The following ZBTB7C variants were observed in gnomAD, a reference collection of about 807,000 sequenced individuals.
ZBTB7C encodes the protein zinc finger and BTB domain-containing protein 7C.
In ZBTB7C, 8 loss-of-function variants were observed where a neutral mutation model predicts 25.7. The ratio of observed to expected loss-of-function variants is 0.31; its 90% CI spans 0.18 to 0.56. The LOEUF is 0.56. Ranked by LOEUF, ZBTB7C falls within the 20% of genes least tolerant of loss-of-function variation. The probability of loss-of-function intolerance (pLI) is 0.91; values close to 1 mark genes in which losing one functional copy is unlikely to be tolerated. For synonymous variants in ZBTB7C, 394 were observed against 369.0 expected, an observed-to-expected ratio of 1.07 and a Z score of -0.78; for missense variants, 824 against 855.2, an observed-to-expected ratio of 0.96 and a Z score of 0.46.
intron 3 of ZBTB7C, among the ~76,000 whole-genome samples, chr18:48,129,212 A>G (rs970253559): frequency 2.6e-5 from 4 of 152,140 alleles, no homozygotes; most frequent in African/African-American, 9.7e-5. Context: ...CTCCAAAAAA[A>G]CTGCCAAAGG....
chr18:48,235,160 A>T (rs1359573722), intron 2 of ZBTB7C, among the ~76,000 whole-genome samples: 1 of 152,178 alleles, frequency 6.6e-6, no homozygotes, highest in East Asian at 1.9e-4. Flanking sequence ...ACCTATTTAT[A>T]TTTATTGTAA....
At chr18:48,339,208 C>T (rs1035269857) in intron 1 of ZBTB7C, among the ~76,000 whole-genome samples, 18 of 152,366 alleles carry the variant, frequency 1.2e-4, no homozygotes, top group African/African-American at 3.4e-4. Flanking sequence ...GCACAGCCCC[C>T]ATCTCTTGGG....
At chr18:48,161,520 C>G (rs753616278) in intron 3 of ZBTB7C, among the ~76,000 whole-genome samples, 1 of 152,088 alleles carries the variant, frequency 6.6e-6, no homozygotes, top group Non-Finnish European at 1.5e-5. Context: ...TCCAGTTGCC[C>G]GGCCTGTTCA....
chr18:48,407,807 T>C (rs1183040244), intron 1 of ZBTB7C, among the ~76,000 whole-genome samples: 1 of 152,174 alleles, frequency 6.6e-6, no homozygotes, highest in Non-Finnish European at 1.5e-5. Context: ...AATGAAGGAC[T>C]GAGAGTTTCC....
chr18:48,318,945 C>T (rs929816094), intron 2 of ZBTB7C, among the ~76,000 whole-genome samples: 1 of 152,190 alleles, frequency 6.6e-6, no homozygotes, highest in South Asian at 2.1e-4. Context: ...TCTGAGCCCC[C>T]ACCCCTGTAA....
In ZBTB7C at chr18:48,026,863, G is replaced by C. The variant is rs1162509970; in HGVS notation, c.*2397C>G. On this transcript the variant is annotated 3_prime_UTR_variant, in exon 5 of 5. Transcript: ENST00000590800. Reference sequence around the variant, plus strand: ...CTTTCAGAAGTCACATCTCACAGAAGTGCAACTCTCAATATAATTTAATCA... The same window carrying C: ...CTTTCAGAAGTCACATCTCACAGAACTGCAACTCTCAATATAATTTAATCA... 1 of 151,644 alleles carries C rather than the reference G, an allele frequency of 6.6e-6. No homozygotes were observed. Among genetic ancestry groups the C allele is most frequent in the Non-Finnish European group, 1.5e-5 (1 of 67,992 alleles). 9.4% of individuals were successfully genotyped at this position (151,644 alleles called of 1,614,324 possible). A position where few individuals can be genotyped will look rare whatever the true frequency, so the allele number is the denominator to read the frequency against.
chr18:48,338,271 A>G lies in ZBTB7C; in HGVS notation c.-176T>C, dbSNP rs2046502151. 6.6e-6 allele frequency: 1 copy of G among 152,262 alleles called. No homozygotes were observed. Among genetic ancestry groups the G allele is most frequent in the African/African-American group, 2.4e-5 (1 of 41,450 alleles). The allele number at this position is 152,262 out of a possible 1,614,324, so 9.4% of individuals were successfully genotyped here. A position where few individuals can be genotyped will look rare whatever the true frequency, so the allele number is the denominator to read the frequency against. On this transcript the variant is annotated 5_prime_UTR_variant, in exon 2 of 5. It removes the in-frame stop codon of an upstream open reading frame in the 5' UTR. Coordinates refer to ENST00000590800, the MANE Select transcript of ZBTB7C (RefSeq NM_001318841.2). ...CCCCAAACGCCCAGGCTCCAGGTCT[A>G]ATGGGCGTGGATTCTGCTCATGCCT...
chr18:48,135,216 T>C (rs564422812), intron 3 of ZBTB7C, among the ~76,000 whole-genome samples: 1 of 152,310 alleles, frequency 6.6e-6, no homozygotes, highest in East Asian at 1.9e-4. Flanking sequence ...CTTAGCATGG[T>C]ACCTGGACAC....
At chr18:48,151,920 G>T (rs371428717) in intron 3 of ZBTB7C, among the ~76,000 whole-genome samples, 1 of 152,160 alleles carries the variant, frequency 6.6e-6, no homozygotes, top group African/African-American at 2.4e-5. Context: ...TATGCGGGTG[G>T]GGAAGCAGTG....
intron 2 of ZBTB7C, among the ~76,000 whole-genome samples, chr18:48,244,075 G>A (rs1166374651): frequency 1.3e-5 from 2 of 152,094 alleles, no homozygotes; most frequent in Admixed American, 1.3e-4. Context: ...AAAAATTCTA[G>A]AAGATAACAT....
chr18:48,341,981 A>G (rs767470680), intron 1 of ZBTB7C, among the ~76,000 whole-genome samples: 3 of 152,200 alleles, frequency 2.0e-5, no homozygotes, highest in Non-Finnish European at 4.4e-5. Flanking sequence ...CATCAGGGCC[A>G]TTGTGGGGCT....
chr18:48,197,254 C>T (rs1271616817), intron 2 of ZBTB7C, among the ~76,000 whole-genome samples: 2 of 2,584 alleles, frequency 7.7e-4, no homozygotes, highest in African/African-American at 9.2e-4. Context: ...CATCCTGCCT[C>T]CAATCATCCT....
chr18:48,373,855 G>A (rs911311999), intron 1 of ZBTB7C, among the ~76,000 whole-genome samples: 6 of 152,094 alleles, frequency 3.9e-5, no homozygotes, highest in Admixed American at 3.9e-4. Context: ...CAGCTACTCG[G>A]GGGGCTAAGG....
intron 2 of ZBTB7C, among the ~76,000 whole-genome samples, chr18:48,331,186 T>A (rs1342817334): frequency 6.6e-6 from 1 of 152,156 alleles, no homozygotes; most frequent in African/African-American, 2.4e-5. Flanking sequence ...TTCCCACCTC[T>A]GTGTCTTAGA....
chr18:48,223,623 C>T (rs2043014359), intron 2 of ZBTB7C, among the ~76,000 whole-genome samples: 1 of 152,130 alleles, frequency 6.6e-6, no homozygotes, highest in African/African-American at 2.4e-5. Context: ...GGTGTCCCAC[C>T]TTACTTCTTC....
intron 2 of ZBTB7C, among the ~76,000 whole-genome samples, chr18:48,200,539 C>A (rs1391539347): frequency 6.6e-6 from 1 of 152,158 alleles, no homozygotes; most frequent in Non-Finnish European, 1.5e-5. Context: ...ACCCAGAGGC[C>A]AGTTGCTAGC....
At chr18:48,235,128 T>C (rs1349799970) in intron 2 of ZBTB7C, among the ~76,000 whole-genome samples, 1 of 152,198 alleles carries the variant, frequency 6.6e-6, no homozygotes, top group Non-Finnish European at 1.5e-5. Flanking sequence ...CTGACCAATC[T>C]CTCTTTTAGC....
intron 2 of ZBTB7C, among the ~76,000 whole-genome samples, chr18:48,280,646 A>G (rs908791147): frequency 6.6e-6 from 1 of 152,104 alleles, no homozygotes; most frequent in African/African-American, 2.4e-5. Context: ...ATCTCTAGAC[A>G]TAAATCCTAG....
intron 3 of ZBTB7C, among the ~76,000 whole-genome samples, chr18:48,173,538 C>A (rs1243144388): frequency 6.6e-6 from 1 of 152,210 alleles, no homozygotes; most frequent in Admixed American, 6.5e-5. Context: ...CCCATCCATT[C>A]AACTTGTATC....
Sources: allele counts gnomAD v4.1 joint callset (sites outside exome capture counted in the v4.1 genomes callset), GRCh38; gene constraint gnomAD v4.1.1; transcripts MANE v1.5; gene names NCBI Gene and HGNC (gene_info 2026-07-23, HGNC 2026-07-21).